The following WARS1 variants were observed in gnomAD, a reference collection of about 807,000 sequenced individuals.
The protein encoded by WARS1 is tryptophan--tRNA ligase, cytoplasmic.
A neutral mutation model predicts 47.8 loss-of-function variants in WARS1; 17 were observed. The ratio of observed to expected loss-of-function variants is 0.36; its 90% CI spans 0.24 to 0.53. The LOEUF is 0.53. Among genes scored for constraint, WARS1 ranks in the 20% least tolerant of loss-of-function variants. The pLI, the probability that WARS1 is intolerant of heterozygous loss-of-function variation, is 0.91. For missense variants in WARS1, 434 were observed against 608.0 expected (o/e 0.71, Z 3.01); for synonymous variants, 208 against 228.1 (o/e 0.91, Z 0.79).
At chr14:100,338,791 T>C (rs1893925924) in intron 9 of WARS1, among the ~76,000 whole-genome samples, 1 of 151,942 alleles carries the variant, frequency 6.6e-6, no homozygotes, top group African/African-American at 2.4e-5. Context: ...TAAGTTGTTA[T>C]GTTTAGTAAG....
chr14:100,342,648 C>T (rs1894248253), intron 8 of WARS1, 77 bp from the exon 9 acceptor site: 2 of 1,391,154 alleles, frequency 1.4e-6, no homozygotes, highest in Non-Finnish European at 9.8e-7. Flanking sequence ...TCCCTGTGAG[C>T]ATCTTCCCAG....
chr14:100,371,378 A>T, intron 1 of WARS1, among the ~76,000 whole-genome samples: 1 of 148,502 alleles, frequency 6.7e-6, no homozygotes, highest in Non-Finnish European at 1.5e-5. Flanking sequence ...TGAAACCAGG[A>T]GGTGGAGGTT....
At chr14:100,349,534 G>A (rs1451855144) in intron 6 of WARS1, among the ~76,000 whole-genome samples, 2 of 152,178 alleles carry the variant, frequency 1.3e-5, no homozygotes, top group Non-Finnish European at 2.9e-5. Flanking sequence ...GCGGACGGCC[G>A]TCAAGCAGAG....
At chr14:100,346,152 C>G (rs1894605512) in intron 7 of WARS1, among the ~76,000 whole-genome samples, 1 of 140,268 alleles carries the variant, frequency 7.1e-6, no homozygotes, top group Non-Finnish European at 1.6e-5. Flanking sequence ...GCCAATGCAT[C>G]TGAAAGACAC....
At chr14:100,365,104 C>T (rs1041087026) in intron 2 of WARS1, among the ~76,000 whole-genome samples, 12 of 135,686 alleles carry the variant, frequency 8.8e-5, no homozygotes, top group African/African-American at 8.1e-5. Context: ...GTGGAAAGAG[C>T]GAGACCCTGT....
intron 10 of WARS1, 177 bp downstream of exon 10, chr14:100,336,885 A>G (rs946191412): frequency 1.1e-5 from 8 of 761,522 alleles, no homozygotes; most frequent in African/African-American, 8.6e-5. Context: ...AGATTTGTTC[A>G]TGAGGCTTCT....
chr14:100,336,897 A>G, intron 10 of WARS1, 165 bp downstream of exon 10: 2 of 893,860 alleles, frequency 2.2e-6, no homozygotes, highest in South Asian at 2.0e-5. Flanking sequence ...GAGGCTTCTG[A>G]GCCCAGGCCT....
intron 6 of WARS1, 77 bp from the exon 7 acceptor site, chr14:100,346,923 G>T: frequency 1.5e-6 from 2 of 1,320,886 alleles, no homozygotes; most frequent in Non-Finnish European, 1.1e-6. Flanking sequence ...ATTAAAATTG[G>T]ATGCCAATGA....
At position 100,354,629 on chromosome 14, in the gene WARS1, C is replaced by T. The variant is rs1179924136; in HGVS notation, c.423-63G>A. ...TGAGAAAAATATCAAGGCACTAATGCACTTTTGGAAATGGAAAATATAGAC... is the reference window on the plus strand; with the variant it reads ...TGAGAAAAATATCAAGGCACTAATGTACTTTTGGAAATGGAAAATATAGAC... On this transcript the variant is annotated intron_variant, in intron 4 of 10. Coordinates refer to ENST00000392882, the MANE Select transcript of WARS1 (RefSeq NM_004184.4). The T allele has an allele frequency of 3.9e-6, 6 of 1,544,448 alleles. No individual in the cohort carries two copies. In the East Asian group the frequency reaches 1.4e-4, roughly 35 times the overall value.
At position 100,351,493 on chromosome 14, in the gene WARS1, C is replaced by CT. The variant is rs1894975160; in HGVS notation, c.725+2193dup. ...CATGGCAAAACCCATGAGTGAGACT[C>CT]TGTCTCAAAAAAAAAAAAAAAAAAG... On this transcript the variant is annotated intron_variant, in intron 6 of 10. Transcript: ENST00000392882. Among the ~76,000 whole-genome samples, 3 of 98,786 alleles carry CT rather than the reference C, an allele frequency of 3.0e-5. No homozygotes were observed. The South Asian group carries it at 1.4e-3, about 45-fold the overall frequency. The allele number at this position is 98,786 out of a possible 152,430, so 64.8% of individuals were successfully genotyped here. A position where few individuals can be genotyped will look rare whatever the true frequency, so the allele number is the denominator to read the frequency against.
At chr14:100,353,606 T>C (rs2140001886) in intron 6 of WARS1, 81 bp downstream of exon 6, 8 of 1,506,952 alleles carry the variant, frequency 5.3e-6, no homozygotes, top group Non-Finnish European at 4.5e-6. Context: ...CCATTTCAGT[T>C]GTTTCGAATT....
At chr14:100,356,446 G>A (rs890957190) in intron 4 of WARS1, among the ~76,000 whole-genome samples, 1 of 151,338 alleles carries the variant, frequency 6.6e-6, no homozygotes, top group African/African-American at 2.4e-5. Context: ...CCAAAATCAG[G>A]AATATAAGAA....
intron 10 of WARS1, among the ~76,000 whole-genome samples, chr14:100,335,773 A>C (rs998103053): frequency 6.6e-5 from 10 of 152,318 alleles, no homozygotes; most frequent in African/African-American, 2.4e-4. Flanking sequence ...GCAGCAGCAA[A>C]GTAAAGAAAA....
At chr14:100,365,562 A>G (rs761730660) in intron 2 of WARS1, 39 of 170,236 alleles carry the variant, frequency 2.3e-4, no homozygotes, top group Non-Finnish European at 4.0e-4. Context: ...CCTGGGCGAC[A>G]GAGTGAGACT....
chr14:100,349,722 C>T (rs912855897), intron 6 of WARS1, among the ~76,000 whole-genome samples: 1 of 152,206 alleles, frequency 6.6e-6, no homozygotes, highest in African/African-American at 2.4e-5. Context: ...CCCTCAGGGC[C>T]CTGGGCAGGA....
intron 1 of WARS1, chr14:100,374,296 G>A (rs1317571259): frequency 1.3e-5 from 2 of 152,208 alleles, no homozygotes; most frequent in Non-Finnish European, 2.9e-5. Flanking sequence ...TATAACCAGT[G>A]AAGTACTCTA....
In WARS1 at chr14:100,353,710, T is replaced by C; in HGVS notation, c.702A>G (p.Ile234Met). The C allele has an allele frequency of 6.2e-7, 1 of 1,614,202 alleles. No homozygotes were observed. Among genetic ancestry groups the C allele is most frequent in the Non-Finnish European group, 8.5e-7 (1 of 1,180,036 alleles). ...ACGFDINKTF[I>M]FSDLDYMGMS... The stretch of plus-strand genomic sequence containing the variant: ...ACCCCATGTAGTCCAGGTCAGAGAA[T>C]ATGAAAGTCTTGTTGATGTCAAAGC... The change falls in exon 6 of 11, where the codon ATA becomes ATG. Residue 234 changes from isoleucine to methionine, a missense_variant. Around this residue, in one of 2 missense-constraint regions of WARS1, gnomAD observed 347 missense variants for 523.8 expected, o/e 0.66. Transcript: ENST00000392882.
chr14:100,372,926 T>C (rs1442740578), intron 1 of WARS1, among the ~76,000 whole-genome samples: 1 of 152,180 alleles, frequency 6.6e-6, no homozygotes, highest in Non-Finnish European at 1.5e-5. Context: ...ACTCTGCTGA[T>C]TGATTATCTT....
At chr14:100,340,796 A>C (rs1377526973) in intron 9 of WARS1, among the ~76,000 whole-genome samples, 2 of 152,050 alleles carry the variant, frequency 1.3e-5, no homozygotes, top group Non-Finnish European at 2.9e-5. Flanking sequence ...AGGCCCAGTG[A>C]CCGTCTGTAG....
Sources: allele counts gnomAD v4.1 joint callset (sites outside exome capture counted in the v4.1 genomes callset), GRCh38; gene constraint gnomAD v4.1.1; regional missense constraint gnomAD v4.1.1; transcripts MANE v1.5; gene names NCBI Gene and HGNC (gene_info 2026-07-23, HGNC 2026-07-21).